SPECC1: variants seen among roughly 807,000 people sequenced by gnomAD.
SPECC1 encodes cytospin-B.
SPECC1 carries 62 observed loss-of-function variants against 104.1 expected under a neutral mutation model. The observed-to-expected ratio is 0.60, with a 90% CI of 0.49 to 0.74. SPECC1 has a LOEUF of 0.74. Among genes scored for constraint, SPECC1 ranks in the 30% least tolerant of loss-of-function variants. SPECC1 has a pLI of 0.00. For synonymous variants in SPECC1, 513 were observed against 501.6 expected (o/e 1.02, Z -0.30); for missense variants, 1,306 against 1,310.5 (o/e 1.00, Z 0.05).
chr17:20,119,856 A>G (rs2048942686), intron 3 of SPECC1, among the ~76,000 whole-genome samples: 1 of 152,370 alleles, frequency 6.6e-6, no homozygotes, highest in South Asian at 2.1e-4. Context: ...GAACATCCCA[A>G]ATCCAAAAAT....
Position 20,112,588 on chromosome 17 carries a change from CT to C in SPECC1, c.283+2027del, listed in dbSNP as rs2048547355. 12 of 842,464 alleles carry C rather than the reference CT, an allele frequency of 1.4e-5. No individual in the cohort carries two copies. The East Asian group carries it at 2.9e-4, about 20-fold the overall frequency. 52.2% of individuals were successfully genotyped at this position (842,464 alleles called of 1,614,324 possible). A position where few individuals can be genotyped will look rare whatever the true frequency, so the allele number is the denominator to read the frequency against. On this transcript the variant is annotated intron_variant, in intron 3 of 14. Transcript: ENST00000395527. ...GCAGTCTTGCACATGCAAATCTTTG[CT>C]GTGCAAATCTTAAACAAGCTGATCT...
At chr17:20,226,576 T>C (rs758887645) in intron 4 of SPECC1, among the ~76,000 whole-genome samples, 3 of 152,222 alleles carry the variant, frequency 2.0e-5, no homozygotes, top group Non-Finnish European at 2.9e-5. Context: ...AAAATTCTTA[T>C]TAAAGTAAAA....
intron 3 of SPECC1, among the ~76,000 whole-genome samples, chr17:20,122,841 C>G (rs1738052324): frequency 6.6e-6 from 1 of 152,310 alleles, no homozygotes; most frequent in Non-Finnish European, 1.5e-5. Context: ...AATAATATTT[C>G]CTTGTCTGGA....
intron 1 of SPECC1, chr17:20,057,657 A>AC (rs2046020298): frequency 1.4e-5 from 2 of 142,576 alleles, no homozygotes; most frequent in African/African-American, 5.1e-5. Context: ...TGCCTGGTTA[A>AC]TTTTTTTTTT....
chr17:20,047,932 C>T lies in SPECC1; in HGVS notation c.-22+38508C>T, dbSNP rs138096866. Among the ~76,000 whole-genome samples the T allele has an allele frequency of 2.0e-5, 3 of 152,220 alleles. No individual in the cohort carries two copies. The East Asian group carries it at 5.8e-4, about 29-fold the overall frequency. Reference sequence around the variant, plus strand: ...GAATGTCCGCTTTCACTGACTTCTTCAGCAATTCCACTTCACTTCTTACCC... The same window carrying T: ...GAATGTCCGCTTTCACTGACTTCTTTAGCAATTCCACTTCACTTCTTACCC... On this transcript the variant is annotated intron_variant, in intron 1 of 14. Coordinates refer to ENST00000395527, the MANE Select transcript of SPECC1 (RefSeq NM_001243439.2).
At chr17:20,222,842 T>G in intron 4 of SPECC1, among the ~76,000 whole-genome samples, 1 of 152,322 alleles carries the variant, frequency 6.6e-6, no homozygotes, top group East Asian at 1.9e-4. Context: ...AAAGTCTCTA[T>G]TTCTCTGTCA....
At chr17:20,239,222 A>G in intron 7 of SPECC1, 1 of 1,017,376 alleles carries the variant, frequency 9.8e-7, no homozygotes, top group Non-Finnish European at 1.2e-6. Flanking sequence ...GATTTAATGT[A>G]TTGGATTTTT....
chr17:20,211,772 G>C (rs997507498), intron 4 of SPECC1, among the ~76,000 whole-genome samples: 1 of 152,206 alleles, frequency 6.6e-6, no homozygotes, highest in Non-Finnish European at 1.5e-5. Flanking sequence ...CTGTGGCTCC[G>C]ACCCCTTGCT....
In SPECC1 at chr17:20,314,193, C is replaced by T; in HGVS notation, c.*128C>T. Reference sequence around the variant, plus strand: ...CTAGACTTCAAAGACAGGCTCAATCCAAGTGGACCAACACCCAAATAAGAA... The same window carrying T: ...CTAGACTTCAAAGACAGGCTCAATCTAAGTGGACCAACACCCAAATAAGAA... On this transcript the variant is annotated 3_prime_UTR_variant, in exon 15 of 15. Coordinates refer to ENST00000395527, the MANE Select transcript of SPECC1 (RefSeq NM_001243439.2). The T allele has an allele frequency of 1.3e-6, 1 of 742,708 alleles. No homozygotes were observed. Among genetic ancestry groups the T allele is most frequent in the Admixed American group, 2.1e-5 (1 of 46,794 alleles). The allele number at this position is 742,708 out of a possible 1,614,324, so 46.0% of individuals were successfully genotyped here.
At chr17:20,161,495 G>A (rs1597850291) in intron 3 of SPECC1, among the ~76,000 whole-genome samples, 2 of 152,152 alleles carry the variant, frequency 1.3e-5, no homozygotes, top group Non-Finnish European at 2.9e-5. Context: ...AGGCCTATCA[G>A]CATTTAAAAT....
chr17:20,130,507 C>T (rs777806022), intron 3 of SPECC1, among the ~76,000 whole-genome samples: 3 of 152,178 alleles, frequency 2.0e-5, no homozygotes, highest in Admixed American at 1.3e-4. Context: ...TGCACTCCAG[C>T]CTAGGTGACA....
intron 1 of SPECC1, among the ~76,000 whole-genome samples, chr17:20,049,479 T>C (rs962534681): frequency 6.6e-6 from 1 of 152,230 alleles, no homozygotes; most frequent in Non-Finnish European, 1.5e-5. Context: ...TTGTATTCTC[T>C]GTGAACTACC....
chr17:20,231,202 T>G (rs2038552165), intron 5 of SPECC1, among the ~76,000 whole-genome samples: 1 of 152,172 alleles, frequency 6.6e-6, no homozygotes, highest in Non-Finnish European at 1.5e-5. Context: ...CTGTCTGCCC[T>G]TGGAGATTCT....
chr17:20,297,355 G>C (rs905819573), intron 13 of SPECC1, among the ~76,000 whole-genome samples: 1 of 152,154 alleles, frequency 6.6e-6, no homozygotes, highest in African/African-American at 2.4e-5. Context: ...CCAACAAAAA[G>C]AATTCCCTGT....
intron 14 of SPECC1, among the ~76,000 whole-genome samples, chr17:20,307,058 A>G (rs2041788705): frequency 6.6e-6 from 1 of 152,240 alleles, no homozygotes; most frequent in African/African-American, 2.4e-5. Context: ...AATTGGAATT[A>G]AGACCACAAT....
intron 3 of SPECC1, among the ~76,000 whole-genome samples, chr17:20,152,956 C>A (rs2032148865): frequency 6.6e-6 from 1 of 152,162 alleles, no homozygotes; most frequent in Non-Finnish European, 1.5e-5. Flanking sequence ...TGAGCCTCCG[C>A]CAGCCTCTTC....
intron 4 of SPECC1, among the ~76,000 whole-genome samples, chr17:20,218,083 T>C (rs536810593): frequency 2.0e-5 from 3 of 152,360 alleles, no homozygotes; most frequent in Admixed American, 1.3e-4. Flanking sequence ...TTTAATAAAG[T>C]AGCTATTGCT....
At chr17:20,191,980 A>G (rs886586176) in intron 3 of SPECC1, among the ~76,000 whole-genome samples, 5 of 152,000 alleles carry the variant, frequency 3.3e-5, no homozygotes, top group Non-Finnish European at 7.4e-5. Context: ...TCTGTTGTGC[A>G]GGCTGGAGTG....
chr17:20,305,185 A>C (rs868139089), intron 13 of SPECC1, among the ~76,000 whole-genome samples: 8 of 152,024 alleles, frequency 5.3e-5, no homozygotes, highest in Non-Finnish European at 8.8e-5. Flanking sequence ...CAGCTTCCAG[A>C]ATCATTCTAG....
Sources: gnomAD v4.1 joint callset for allele counts (sites outside exome capture counted in the v4.1 genomes callset) on GRCh38, gnomAD v4.1.1 for gene constraint, MANE v1.5 for transcripts, NCBI Gene and HGNC (gene_info 2026-07-23, HGNC 2026-07-21) for gene names.